Variants in ESAM observed in about 807,000 individuals in gnomAD.
ESAM encodes the protein endothelial cell adhesion molecule, also known as endothelial cell-selective adhesion molecule.
Under a neutral mutation model 31.8 loss-of-function variants are expected in ESAM, and 23 were observed. The observed-to-expected ratio is 0.72, with a 90% confidence interval of 0.52 to 1.03. ESAM has a LOEUF of 1.03. ESAM is among the 50% of genes least tolerant of loss of function. The pLI is 0.00. For synonymous variants in ESAM, 216 were observed against 207.2 expected, an observed-to-expected ratio of 1.04 and a Z score of -0.37; for missense variants, 478 against 488.9, an observed-to-expected ratio of 0.98 and a Z score of 0.21.
At chr11:124,757,869 T>A (rs555436528) in intron 2 of ESAM, among the ~76,000 whole-genome samples, 20 of 152,114 alleles carry the variant, frequency 1.3e-4, no homozygotes, top group Non-Finnish European at 2.5e-4. Flanking sequence ...GACTAATTTT[T>A]GTGTTTTTAG....
chr11:124,758,565 C>A lies in ESAM; in HGVS notation c.71-38G>T, dbSNP rs1178222770. On this transcript the variant is annotated intron_variant, in intron 1 of 6. Coordinates refer to ENST00000278927, the MANE Select transcript of ESAM (RefSeq NM_138961.3). ...GCGAGGCGTGAGTGCCCAGGACCGG[C>A]TCCCAGCTCCGCCCGCGGACCCTGC... 4 of 1,463,584 alleles carry A rather than the reference C, an allele frequency of 2.7e-6. No homozygotes were observed. In the East Asian group the frequency reaches 1.0e-4, roughly 37 times the overall value. The allele number at this position is 1,463,584 out of a possible 1,614,324, so 90.7% of individuals were successfully genotyped here. A position where few individuals can be genotyped will look rare whatever the true frequency, so the allele number is the denominator to read the frequency against.
Position 124,754,236 on chromosome 11 carries a change from C to G in ESAM, c.835G>C (p.Glu279Gln). The change falls in exon 6 of 7, where the codon GAG becomes CAG. Residue 279 changes from glutamate (E) to glutamine (Q), a missense_variant. Physicochemically the swap from Glu to Gln is conservative, Grantham distance 29. Transcript: ENST00000278927. The surrounding 1 kb of genome is among the most constrained non-coding windows in gnomAD (Gnocchi z 4.5). ...TACTTGATATCATTGGCTGGCTCCT[C>G]CAGGGCCTTGCCCCGGCGGTGGTAC... ...LLYHRRGKALEEPANDIKEDA... is the reference protein window; with the variant it reads ...LLYHRRGKALQEPANDIKEDA... 1 of 1,614,064 alleles carries G rather than the reference C, an allele frequency of 6.2e-7. No individual in the cohort carries two copies. The highest frequency in any genetic ancestry group is 8.5e-7 in the Non-Finnish European group (1 of 1,179,986).
Position 124,760,899 on chromosome 11 carries a change from T to A in ESAM, c.70+1186A>T, listed in dbSNP as rs553631900. On this transcript the variant is annotated intron_variant, in intron 1 of 6. Coordinates refer to ENST00000278927, the MANE Select transcript of ESAM (RefSeq NM_138961.3). ...AAGTTGGGAAAGGCGGGATGAGAAGTCTGAGGGATCCTGGAGCAGGCCCAC... is the reference window on the plus strand; with the variant it reads ...AAGTTGGGAAAGGCGGGATGAGAAGACTGAGGGATCCTGGAGCAGGCCCAC... 7.9e-5 allele frequency among the ~76,000 whole-genome samples: 12 copies of A among 152,002 alleles called. 1 individual carries two copies. The highest frequency in any genetic ancestry group is 2.9e-4 in the African/African-American group (12 of 41,470).
chr11:124,754,856 C>T lies in ESAM; in HGVS notation c.608-93G>A. ...CCCTCCTCTGGAATGTCCCCTTTGACCCTCTGGGAGTCACGGCTTGTCTAT... is the reference window on the plus strand; with the variant it reads ...CCCTCCTCTGGAATGTCCCCTTTGATCCTCTGGGAGTCACGGCTTGTCTAT... On this transcript the variant is annotated intron_variant, in intron 4 of 6. Coordinates refer to ENST00000278927, the MANE Select transcript of ESAM (RefSeq NM_138961.3). This position sits in a 1 kb window ranked among gnomAD's most constrained non-coding sequence, Gnocchi z 4.5. The T allele has an allele frequency of 6.7e-7, 1 of 1,489,794 alleles. No homozygotes were observed. The highest frequency in any genetic ancestry group is 9.0e-7 in the Non-Finnish European group (1 of 1,115,318). 92.3% of individuals were successfully genotyped at this position (1,489,794 alleles called of 1,614,324 possible). A position where few individuals can be genotyped will look rare whatever the true frequency, so the allele number is the denominator to read the frequency against.
At position 124,756,612 on chromosome 11, in the gene ESAM, G is replaced by A. The variant is rs1429170358; in HGVS notation, c.380C>T (p.Ser127Phe). Residue 127 changes from serine (S) to phenylalanine (F), a missense_variant, in exon 3 of 7, where the codon TCC (serine) becomes TTC (phenylalanine). Transcript: ENST00000278927. ...QEKDSGPYSCSVNVQDKQGKS... is the reference protein window; with the variant it reads ...QEKDSGPYSCFVNVQDKQGKS... ...GCCTTGTTTGTCTTGCACATTCACG[G>A]AGCAGCTGTAGGGGCCAGAGTCTTT... 6.2e-7 allele frequency: 1 copy of A among 1,614,066 alleles called. No individual in the cohort carries two copies. The highest frequency in any genetic ancestry group is 8.5e-7 in the Non-Finnish European group (1 of 1,179,996).
At chr11:124,757,688 GCTAA>G (rs1306966772) in intron 2 of ESAM, among the ~76,000 whole-genome samples, 1 of 148,014 alleles carries the variant, frequency 6.8e-6, no homozygotes, top group Non-Finnish European at 1.5e-5. Context: ...ACAGAAATAT[GCTAA>G]CTTTTTTTTT....
chr11:124,762,233 G>A lies in ESAM; in HGVS notation c.-79C>T. 6.9e-6 allele frequency: 8 copies of A among 1,160,600 alleles called. No homozygotes were observed. The highest frequency in any genetic ancestry group is 7.1e-6 in the Non-Finnish European group (6 of 844,710). 71.9% of individuals were successfully genotyped at this position (1,160,600 alleles called of 1,614,324 possible). A position where few individuals can be genotyped will look rare whatever the true frequency, so the allele number is the denominator to read the frequency against. On this transcript the variant is annotated 5_prime_UTR_variant, in exon 1 of 7. Coordinates refer to ENST00000278927, the MANE Select transcript of ESAM (RefSeq NM_138961.3). This position sits in a 1 kb window ranked among gnomAD's most constrained non-coding sequence, Gnocchi z 6.4. ...CTGCAGGTGCCGAGGCTGCGCGACG[G>A]CCGGAGCGTGCGCGGGAGCCGAGCC...
Position 124,754,794 on chromosome 11 carries a change from G to T in ESAM, c.608-31C>A, listed in dbSNP as rs1944136231. ...GACACAATTTAGCCATCAGTCCAGGGACCCTCTTTCCCATTAAAAAAAAAA... is the reference window on the plus strand; with the variant it reads ...GACACAATTTAGCCATCAGTCCAGGTACCCTCTTTCCCATTAAAAAAAAAA... On this transcript the variant is annotated intron_variant, in intron 4 of 6. Transcript: ENST00000278927. The surrounding 1 kb of genome is among the most constrained non-coding windows in gnomAD (Gnocchi z 4.5). 1 of 1,568,954 alleles carries T rather than the reference G, an allele frequency of 6.4e-7. No individual in the cohort carries two copies. The highest frequency in any genetic ancestry group is 1.2e-5 in the South Asian group (1 of 83,644).
chr11:124,758,894 C>T (rs184142010), intron 1 of ESAM, among the ~76,000 whole-genome samples: 138 of 152,246 alleles, frequency 9.1e-4, no homozygotes, highest in East Asian at 5.0e-3. Flanking sequence ...TTCTGTCGTA[C>T]GCGCCACGTA....
chr11:124,756,844 C>G (rs1267903015), intron 2 of ESAM, 102 bp from the exon 3 acceptor site: 1 of 1,215,842 alleles, frequency 8.2e-7, no homozygotes, highest in Non-Finnish European at 1.2e-6. Flanking sequence ...CCAAATGCCC[C>G]TCACATGCAC....
Position 124,754,434 on chromosome 11 carries a change from C to T in ESAM, c.731-94G>A. On this transcript the variant is annotated intron_variant, in intron 5 of 6. Transcript: ENST00000278927. This position sits in a 1 kb window ranked among gnomAD's most constrained non-coding sequence, Gnocchi z 4.5. ...TCCCCACCCCATCTGCCACCATACA[C>T]ATTCCCTCTTTTTCCCTGTCAAGAA... 6.5e-7 allele frequency: 1 copy of T among 1,532,698 alleles called. No individual in the cohort carries two copies. Among genetic ancestry groups the T allele is most frequent in the Non-Finnish European group, 8.8e-7 (1 of 1,138,750 alleles). 94.9% of individuals were successfully genotyped at this position (1,532,698 alleles called of 1,614,324 possible).
intron 4 of ESAM, 117 bp downstream of exon 4, chr11:124,756,090 C>G: frequency 2.8e-6 from 4 of 1,407,152 alleles, no homozygotes; most frequent in Non-Finnish European, 3.9e-6. Context: ...CCACATCCTC[C>G]TCCTCCTCCC....
At chr11:124,757,404 C>T (rs1461485952) in intron 2 of ESAM, 2 of 152,606 alleles carry the variant, frequency 1.3e-5, no homozygotes, top group African/African-American at 4.8e-5. Context: ...GCATTCCAGC[C>T]TGGGCAACAA....
rs947241693 is a variant in ESAM, at chr11:124,759,567, C to T, written c.71-1040G>A. ...CGTGGCGAGCAGGCGGCCAACGCCG[C>T]GGGAAGAGGCCGCAGCCAGGCCCCG... On this transcript the variant is annotated intron_variant, in intron 1 of 6. Transcript: ENST00000278927. The surrounding 1 kb of genome is among the most constrained non-coding windows in gnomAD (Gnocchi z 6.8). Among the ~76,000 whole-genome samples the T allele has an allele frequency of 3.9e-5, 6 of 152,228 alleles. No individual in the cohort carries two copies. Among genetic ancestry groups the T allele is most frequent in the Non-Finnish European group, 7.3e-5 (5 of 68,036 alleles).
At position 124,758,519 on chromosome 11, in the gene ESAM, AG is replaced by A. The variant is rs1470002295; in HGVS notation, c.78del (p.Ser27ArgfsTer45). ...LFLGLSALAP[P>X]SRAQLQLHLP... ...AAGTGCAGTTGCAGCTGGGCCCGCG[AG>A]GGGGGCGCTGGAGACAAGAGCGAGG... is the stretch of plus-strand genomic sequence containing the variant. On this transcript the variant is annotated frameshift_variant, in exon 2 of 7. Transcript: ENST00000278927. LOFTEE classifies it high-confidence loss of function. The A allele has an allele frequency of 1.3e-6, 2 of 1,563,036 alleles. No individual in the cohort carries two copies.
In ESAM at chr11:124,756,328, A is replaced by G; in HGVS notation, c.486T>C (p.Gly162=). The G allele has an allele frequency of 6.2e-7, 1 of 1,610,042 alleles. No individual in the cohort carries two copies. Among genetic ancestry groups the G allele is most frequent in the Non-Finnish European group, 8.5e-7 (1 of 1,178,126 alleles). Residue 162 remains glycine (G), a synonymous_variant, in exon 4 of 7, where the codon GGT becomes GGC. Transcript: ENST00000278927. ...TCACGTTTGCCCCCACATGGGGCAC[A>G]CCCTGGAGACGGCAGGATGGAGGAG... The part of the protein sequence containing the change: ...PPAPPSCRLQ[G]VPHVGANVTL...
At chr11:124,761,642 T>A (rs1408273008) in intron 1 of ESAM, among the ~76,000 whole-genome samples, 1 of 152,120 alleles carries the variant, frequency 6.6e-6, no homozygotes, top group African/African-American at 2.4e-5. Context: ...GTGTCAAGCC[T>A]GGGGACCAGG....
chr11:124,758,817 A>G (rs1248174186), intron 1 of ESAM, among the ~76,000 whole-genome samples: 1 of 152,214 alleles, frequency 6.6e-6, no homozygotes, highest in African/African-American at 2.4e-5. Flanking sequence ...ATTTCTGAGC[A>G]TCAAAGAGAG....
In ESAM at chr11:124,757,087, T is replaced by G. The variant is rs11219770; in HGVS notation, c.250-345A>C. The stretch of plus-strand genomic sequence containing the variant: ...GATCCAGGTTTGTAAGACCTGAAAC[T>G]TACACAATGGGGAAGGCATCTTGGA... On this transcript the variant is annotated intron_variant, in intron 2 of 6. Coordinates refer to ENST00000278927, the MANE Select transcript of ESAM (RefSeq NM_138961.3). 55 of 239,234 alleles carry G rather than the reference T, an allele frequency of 2.3e-4. No homozygotes were observed. In the East Asian group the frequency reaches 3.2e-3, roughly 14 times the overall value. 14.8% of individuals were successfully genotyped at this position (239,234 alleles called of 1,614,324 possible).
Sources: allele counts gnomAD v4.1 joint callset (sites outside exome capture counted in the v4.1 genomes callset), GRCh38; gene constraint gnomAD v4.1.1; non-coding constraint Gnocchi (gnomAD v3.1); transcripts MANE v1.5; gene names NCBI Gene and HGNC (gene_info 2026-07-23, HGNC 2026-07-21).